Variants in NR5A1 observed in about 807,000 individuals in gnomAD.
NR5A1 encodes the protein nuclear receptor subfamily 5 group A member 1.
In NR5A1, 6 loss-of-function variants were observed where a neutral mutation model predicts 42.7. The ratio of observed to expected loss-of-function variants is 0.14; its 90% CI spans 0.08 to 0.28. The LOEUF (loss-of-function observed/expected upper bound fraction) is 0.28, where lower values mean the gene tolerates loss of function less well. Among genes scored for constraint, NR5A1 ranks in the 10% least tolerant of loss-of-function variants. The pLI, the probability that NR5A1 is intolerant of heterozygous loss-of-function variation, is 1.00. For missense variants in NR5A1, 442 were observed against 626.4 expected (o/e 0.71, Z 3.14); for synonymous variants, 274 against 277.5 (o/e 0.99, Z 0.12).
intron 6 of NR5A1, among the ~76,000 whole-genome samples, chr9:124,490,697 T>A (rs1015504463): frequency 3.9e-5 from 6 of 152,208 alleles, no homozygotes; most frequent in African/African-American, 1.4e-4. Flanking sequence ...CCAGTGCAAT[T>A]TCTCGGTGCC....
intron 1 of NR5A1, among the ~76,000 whole-genome samples, chr9:124,504,584 G>T (rs1238255946): frequency 6.6e-6 from 1 of 151,896 alleles, no homozygotes; most frequent in Non-Finnish European, 1.5e-5. Context: ...GAGCGACCTC[G>T]GGCGGAGAGG....
intron 6 of NR5A1, among the ~76,000 whole-genome samples, chr9:124,489,550 A>C (rs1302184052): frequency 2.0e-5 from 3 of 152,120 alleles, no homozygotes; most frequent in Admixed American, 6.5e-5. Flanking sequence ...CCACGCCCCA[A>C]CCACACAGAC....
Position 124,500,006 on chromosome 9 carries a change from C to T in NR5A1, c.870+84G>A. 6.2e-7 allele frequency: 1 copy of T among 1,601,036 alleles called. No individual in the cohort carries two copies. Among genetic ancestry groups the T allele is most frequent in the African/African-American group, 1.3e-5 (1 of 74,790 alleles). On this transcript the variant is annotated intron_variant, in intron 4 of 6. Transcript: ENST00000373588. This position sits in a 1 kb window ranked among gnomAD's most constrained non-coding sequence, Gnocchi z 6.9. ...GCCTGAAGCCAGTGGGAAGGATGGC[C>T]CTATCCAAAGGACAGTCGGGCTAAG...
rs1832413946 is a variant in NR5A1 at position 124,498,147 on chromosome 9, GC to G, written c.870+1942del. On this transcript the variant is annotated intron_variant, in intron 4 of 6. Transcript: ENST00000373588. The surrounding 1 kb of genome is among the most constrained non-coding windows in gnomAD (Gnocchi z 4.6). ...CTGGAGGTGGGGAAATGAATGATCA[GC>G]TAGAAGAGACGCCGGAGTCACCCAC... Among the ~76,000 whole-genome samples the G allele has an allele frequency of 2.0e-5, 3 of 152,172 alleles. No individual in the cohort carries two copies. The highest frequency in any genetic ancestry group is 6.5e-5 in the Admixed American group (1 of 15,278).
At chr9:124,504,051 A>AGAG (rs879911122) in intron 1 of NR5A1, among the ~76,000 whole-genome samples, 1,393 of 126,570 alleles carry the variant, frequency 0.011, 205 homozygotes, top group African/African-American at 0.053. Flanking sequence ...AGAGAGAGAG[A>AGAG]CGAGAGAGAG....
rs1463152270 is a variant in NR5A1 at position 124,496,164 on chromosome 9, C to T, written c.871-3015G>A. ...TAAAGACACCAAACTCCAAAACACT[C>T]CCCACACAGATGAGAATGCGCACAC... On this transcript the variant is annotated intron_variant, in intron 4 of 6. Transcript: ENST00000373588. This position sits in a 1 kb window ranked among gnomAD's most constrained non-coding sequence, Gnocchi z 5.0. 6.6e-6 allele frequency among the ~76,000 whole-genome samples: 1 copy of T among 150,996 alleles called. No individual in the cohort carries two copies. Among genetic ancestry groups the T allele is most frequent in the Admixed American group, 6.6e-5 (1 of 15,224 alleles).
chr9:124,491,189 G>C lies in NR5A1; in HGVS notation c.1030C>G (p.Leu344Val). ...TTVATQAGSL[L>V]HSLVLRAQEL... ...TGCGCCCGCAACACCAGGCTGTGCA[G>C]CAGCGAGCCCGCCTGGGTGGCCACT... Residue 344 changes from leucine to valine, a missense_variant, in exon 6 of 7, where the codon CTG becomes GTG. Physicochemically the swap from Leu to Val is conservative, Grantham distance 32 (BLOSUM62 1). Around this residue, in one of 3 missense-constraint regions of NR5A1, gnomAD observed 163 missense variants for 265.8 expected, o/e 0.61. Transcript: ENST00000373588. The C allele has an allele frequency of 3.1e-6, 5 of 1,608,520 alleles. No individual in the cohort carries two copies. Among genetic ancestry groups the C allele is most frequent in the Non-Finnish European group, 4.2e-6 (5 of 1,178,072 alleles).
chr9:124,493,710 C>T (rs1832349365), intron 4 of NR5A1, among the ~76,000 whole-genome samples: 1 of 152,194 alleles, frequency 6.6e-6, no homozygotes, highest in Non-Finnish European at 1.5e-5. Context: ...GAGGGAGGTC[C>T]CACCTGGCCT....
At chr9:124,485,816 C>T (rs1832199498) in intron 6 of NR5A1, among the ~76,000 whole-genome samples, 1 of 152,212 alleles carries the variant, frequency 6.6e-6, no homozygotes, top group Admixed American at 6.5e-5. Flanking sequence ...AGCTGAGCTC[C>T]TGCTGGCCCC....
intron 3 of NR5A1, among the ~76,000 whole-genome samples, chr9:124,502,263 C>T (rs1832482263): frequency 6.6e-6 from 1 of 152,304 alleles, no homozygotes; most frequent in East Asian, 1.9e-4. Flanking sequence ...TGGAGGAAGG[C>T]GCTGCCGTTA....
intron 1 of NR5A1, among the ~76,000 whole-genome samples, chr9:124,506,363 C>T (rs1349451088): frequency 6.6e-6 from 1 of 152,154 alleles, no homozygotes; most frequent in Non-Finnish European, 1.5e-5. Flanking sequence ...GTTAATCGTA[C>T]CCCCCGCACC....
At position 124,498,538 on chromosome 9, in the gene NR5A1, C is replaced by G. The variant is rs185513776; in HGVS notation, c.870+1552G>C. ...CCCTCAATCCAGGGTTCTGGAAGGC[C>G]GGGAATGCCCTGCTCCTCCTCCCCT... On this transcript the variant is annotated intron_variant, in intron 4 of 6. Transcript: ENST00000373588. This position sits in a 1 kb window ranked among gnomAD's most constrained non-coding sequence, Gnocchi z 4.6. 7.0e-4 allele frequency among the ~76,000 whole-genome samples: 106 copies of G among 152,332 alleles called. No homozygotes were observed. The highest frequency in any genetic ancestry group is 2.5e-3 in the African/African-American group (105 of 41,562).
Position 124,500,922 on chromosome 9 carries a change from C to T in NR5A1, c.245-207G>A. On this transcript the variant is annotated intron_variant, in intron 3 of 6. Coordinates refer to ENST00000373588, the MANE Select transcript of NR5A1 (RefSeq NM_004959.5). The surrounding 1 kb of genome is among the most constrained non-coding windows in gnomAD (Gnocchi z 6.9). ...TTTCAGGCAATCCCTGCTAAGACCC[C>T]TCTCCTTCCACTCCACCGAACTCAC... The T allele has an allele frequency of 1.3e-6, 1 of 776,232 alleles. No individual in the cohort carries two copies. The highest frequency in any genetic ancestry group is 2.3e-6 in the Non-Finnish European group (1 of 439,570). 48.1% of individuals were successfully genotyped at this position (776,232 alleles called of 1,614,324 possible).
intron 1 of NR5A1, among the ~76,000 whole-genome samples, chr9:124,505,466 T>G (rs1738813075): frequency 6.6e-6 from 1 of 152,178 alleles, no homozygotes; most frequent in Admixed American, 6.5e-5. Flanking sequence ...GGTCTTCAGT[T>G]GCCGCATCTG....
chr9:124,500,294 G>A lies in NR5A1; in HGVS notation c.666C>T (p.Asn222=), dbSNP rs558743021. ...GCAGCTGCAGGATGAGCTCAGGCAC[G>A]TTGGGCCCTCCAGAGAAGGGCTCTG... ...GYPEPFSGGP[N]VPELILQLLQ... Residue 222 remains asparagine, a synonymous_variant, in exon 4 of 7, where the codon AAC becomes AAT. Transcript: ENST00000373588. This position sits in a 1 kb window ranked among gnomAD's most constrained non-coding sequence, Gnocchi z 6.9. 7.0e-5 allele frequency: 109 copies of A among 1,567,710 alleles called. No homozygotes were observed. Among genetic ancestry groups the A allele is most frequent in the African/African-American group, 1.6e-4 (12 of 73,850 alleles).
At chr9:124,487,591 C>T (rs1832237413) in intron 6 of NR5A1, among the ~76,000 whole-genome samples, 2 of 152,274 alleles carry the variant, frequency 1.3e-5, no homozygotes, top group Admixed American at 6.5e-5. Context: ...CACCCTTATG[C>T]GGAGGCAGGC....
In NR5A1 at chr9:124,482,875, C is replaced by G; in HGVS notation, c.1269G>C (p.Leu423=). 1 of 1,614,182 alleles carries G rather than the reference C, an allele frequency of 6.2e-7. No individual in the cohort carries two copies. Among genetic ancestry groups the G allele is most frequent in the Non-Finnish European group, 8.5e-7 (1 of 1,180,016 alleles). The change falls in exon 7 of 7, where the codon CTG becomes CTC. Residue 423 remains leucine (L), a synonymous_variant. Transcript: ENST00000373588. Reference sequence around the variant, plus strand: ...GCATGCTCAGGGCCCGCACCTCCACCAGGCACAGCAGCAGCTGCTGGAATT... The same window carrying G: ...GCATGCTCAGGGCCCGCACCTCCACGAGGCACAGCAGCAGCTGCTGGAATT... The part of the protein sequence containing the change: ...GDKFQQLLLC[L]VEVRALSMQA...
At chr9:124,483,554 T>C (rs1222861149) in intron 6 of NR5A1, among the ~76,000 whole-genome samples, 2 of 152,176 alleles carry the variant, frequency 1.3e-5, no homozygotes, top group South Asian at 2.1e-4. Context: ...ACCACAATAA[T>C]GCCATCACAA....
intron 6 of NR5A1, among the ~76,000 whole-genome samples, chr9:124,487,119 G>T (rs971284134): frequency 2.0e-5 from 3 of 152,238 alleles, no homozygotes; most frequent in Non-Finnish European, 4.4e-5. Flanking sequence ...GGAGCTGGGA[G>T]ATGGAGCCCC....
Sources: gnomAD v4.1 joint callset for allele counts (sites outside exome capture counted in the v4.1 genomes callset) on GRCh38, gnomAD v4.1.1 for gene constraint, gnomAD v4.1.1 regional missense constraint, Gnocchi (gnomAD v3.1) non-coding constraint, MANE v1.5 for transcripts, NCBI Gene and HGNC (gene_info 2026-07-23, HGNC 2026-07-21) for gene names.